Variants in VWCE observed in about 807,000 individuals in gnomAD.
The protein encoded by VWCE is von Willebrand factor C and EGF domains, also known as von Willebrand factor C and EGF domain-containing protein.
In VWCE, 68 loss-of-function variants were observed where a neutral mutation model predicts 102.9. The observed-to-expected ratio is 0.66, with a 90% CI of 0.54 to 0.81. The LOEUF (loss-of-function observed/expected upper bound fraction) is 0.81, where lower values mean the gene tolerates loss of function less well. Among genes scored for constraint, VWCE ranks in the 30% least tolerant of loss-of-function variants. VWCE has a pLI of 0.00. For synonymous variants in VWCE, 497 were observed against 515.4 expected, an observed-to-expected ratio of 0.96 and a Z score of 0.48; for missense variants, 1,137 against 1,263.6, an observed-to-expected ratio of 0.90 and a Z score of 1.52.
At chr11:61,276,756 T>C in intron 10 of VWCE, 76 bp from the exon 11 acceptor site, 1 of 1,219,122 alleles carries the variant, frequency 8.2e-7, no homozygotes, top group Non-Finnish European at 1.1e-6. Context: ...CAGCAGGCCC[T>C]TCGAACAGGA....
At chr11:61,261,219 C>CAA (rs550476012) in intron 19 of VWCE, among the ~76,000 whole-genome samples, 2 of 121,880 alleles carry the variant, frequency 1.6e-5, no homozygotes, top group African/African-American at 2.9e-5. Flanking sequence ...GACTCCATCT[C>CAA]AAAAAAAAAA....
At position 61,295,259 on chromosome 11, in the gene VWCE, C is replaced by T; in HGVS notation, c.-222G>A. Reference sequence around the variant, plus strand: ...ATTGTGGGGAGGGTCTCTGGCACCTCGAAGCGAAACACACAAAGGCAACGC... The same window carrying T: ...ATTGTGGGGAGGGTCTCTGGCACCTTGAAGCGAAACACACAAAGGCAACGC... On this transcript the variant is annotated 5_prime_UTR_variant, in exon 1 of 20. Coordinates refer to ENST00000335613, the MANE Select transcript of VWCE (RefSeq NM_152718.2). The surrounding 1 kb of genome is among the most constrained non-coding windows in gnomAD (Gnocchi z 4.6). 2.7e-6 allele frequency: 1 copy of T among 370,932 alleles called. No individual in the cohort carries two copies. The highest frequency in any genetic ancestry group is 3.9e-5 in the East Asian group (1 of 25,718). 23.0% of individuals were successfully genotyped at this position (370,932 alleles called of 1,614,324 possible). A position where few individuals can be genotyped will look rare whatever the true frequency, so the allele number is the denominator to read the frequency against.
chr11:61,270,338 G>C (rs1225751861), intron 14 of VWCE, among the ~76,000 whole-genome samples: 1 of 152,228 alleles, frequency 6.6e-6, no homozygotes, highest in Non-Finnish European at 1.5e-5. Flanking sequence ...GCAGAGGTGT[G>C]GGCAGGGCCT....
chr11:61,284,323 C>T (rs1855241796), intron 5 of VWCE, among the ~76,000 whole-genome samples: 1 of 152,198 alleles, frequency 6.6e-6, no homozygotes, highest in Admixed American at 6.5e-5. Flanking sequence ...ATACCAACTT[C>T]ACTGGGTAAT....
At position 61,278,214 on chromosome 11, in the gene VWCE, C is replaced by T. The variant is rs532631681; in HGVS notation, c.1407+180G>A. Among the ~76,000 whole-genome samples the T allele has an allele frequency of 3.9e-5, 6 of 152,310 alleles. No individual in the cohort carries two copies. In the South Asian group the frequency reaches 1.0e-3, roughly 26 times the overall value. ...AAGCCTCCCTTACTCCACCAACCTTCGTGTTTTACACTTCCCTCCCCCTTT... is the reference window on the plus strand; with the variant it reads ...AAGCCTCCCTTACTCCACCAACCTTTGTGTTTTACACTTCCCTCCCCCTTT... On this transcript the variant is annotated intron_variant, in intron 10 of 19. Coordinates refer to ENST00000335613, the MANE Select transcript of VWCE (RefSeq NM_152718.2).
Position 61,291,541 on chromosome 11 carries a change from A to G in VWCE, c.146T>C (p.Phe49Ser). 6.7e-7 allele frequency: 1 copy of G among 1,481,510 alleles called. No homozygotes were observed. The highest frequency in any genetic ancestry group is 1.4e-5 in the South Asian group (1 of 73,064). 91.8% of individuals were successfully genotyped at this position (1,481,510 alleles called of 1,614,324 possible). A position where few individuals can be genotyped will look rare whatever the true frequency, so the allele number is the denominator to read the frequency against. ...RLGPHVCLSG[F>S]GSGCCPGWAP... The stretch of plus-strand genomic sequence containing the variant: ...CCAGCCAGGGCAGCAGCCACTCCCA[A>G]ACCCAGAGAGGCAGACGTGGGGGCC... Residue 49 changes from phenylalanine to serine, a missense_variant, in exon 2 of 20, where the codon TTT (phenylalanine) becomes TCT (serine). By Grantham distance (155) the Phe-to-Ser change is radical. Transcript: ENST00000335613.
rs776756550 is a variant in VWCE at position 61,258,696 on chromosome 11, C to A, written c.2847G>T (p.Arg949=). 2.9e-6 allele frequency: 4 copies of A among 1,395,032 alleles called. No homozygotes were observed. The highest frequency in any genetic ancestry group is 3.7e-6 in the Non-Finnish European group (4 of 1,071,512). 86.4% of individuals were successfully genotyped at this position (1,395,032 alleles called of 1,614,324 possible). A position where few individuals can be genotyped will look rare whatever the true frequency, so the allele number is the denominator to read the frequency against. ...CTCCTTACATGGTGGACTCTTCCCCCCGAGAAGCCCCCACTGGGGGCTGCT... is the reference window on the plus strand; with the variant it reads ...CTCCTTACATGGTGGACTCTTCCCCACGAGAAGCCCCCACTGGGGGCTGCT... ...GPQQPPVGAS[R]GEESTM The change falls in exon 20 of 20, where the codon CGG becomes CGT. Residue 949 remains arginine (R), a synonymous_variant. Transcript: ENST00000335613.
chr11:61,284,200 CA>C (rs373129585), intron 5 of VWCE, among the ~76,000 whole-genome samples: 15 of 141,314 alleles, frequency 1.1e-4, no homozygotes, highest in African/African-American at 2.1e-4. Context: ...CTCATCTCTA[CA>C]AAAAAAAAAC....
chr11:61,273,585 C>A (rs1854806871), intron 12 of VWCE: 1 of 474,750 alleles, frequency 2.1e-6, no homozygotes, highest in South Asian at 3.1e-5. Flanking sequence ...CTCTCACCCT[C>A]CCGCTTCCAT....
intron 7 of VWCE, 37 bp from the exon 8 acceptor site, chr11:61,281,272 G>C (rs1180891257): frequency 6.2e-7 from 1 of 1,609,252 alleles, no homozygotes; most frequent in Admixed American, 1.7e-5. Flanking sequence ...GGGGTGGACA[G>C]CAGAGACAGG....
Position 61,290,810 on chromosome 11 carries a change from A to G in VWCE, c.413T>C (p.Ile138Thr). The G allele has an allele frequency of 6.2e-7, 1 of 1,610,036 alleles. No individual in the cohort carries two copies. Among genetic ancestry groups the G allele is most frequent in the Non-Finnish European group, 8.5e-7 (1 of 1,178,816 alleles). Residue 138 changes from isoleucine (I) to threonine (T), a missense_variant, in exon 4 of 20, where the codon ATC (isoleucine) becomes ACC (threonine). This residue lies in a region of VWCE where 575 missense variants were observed against 625.9 expected (regional missense o/e 0.92). Transcript: ENST00000335613. Reference sequence around the variant, plus strand: ...CCCAGGCGTCTCACCTGTACACCTGATGCCAACAGCTGTCTCCGTCATCGA... The same window carrying G: ...CCCAGGCGTCTCACCTGTACACCTGGTGCCAACAGCTGTCTCCGTCATCGA... ...GFSMTETAVGIRCTDIDECVT... is the reference protein window; with the variant it reads ...GFSMTETAVGTRCTDIDECVT...
At chr11:61,277,421 C>T (rs1019789042) in intron 10 of VWCE, among the ~76,000 whole-genome samples, 3 of 131,884 alleles carry the variant, frequency 2.3e-5, no homozygotes, top group Non-Finnish European at 1.6e-5. Context: ...CCAGCCTGGC[C>T]AACACAGCGA....
Position 61,271,760 on chromosome 11 carries a change from C to T in VWCE, c.1700G>A (p.Gly567Asp), listed in dbSNP as rs1336975943. The T allele has an allele frequency of 1.2e-6, 2 of 1,612,884 alleles. No homozygotes were observed. Among genetic ancestry groups the T allele is most frequent in the Non-Finnish European group, 1.7e-6 (2 of 1,179,510 alleles). The change falls in exon 14 of 20, where the codon GGC becomes GAC. Residue 567 changes from glycine (G) to aspartate (D), a missense_variant and splice_region_variant. Transcript: ENST00000335613. ...AACCCCGTTGTCGTCAAGAGAGCAG[C>T]CTGGATGAGGACAATGGCAGAGAAA... is the stretch of plus-strand genomic sequence containing the variant. The part of the protein sequence containing the change: ...FTCQEPTPST[G>D]CSLDDNGVEF...
chr11:61,261,883 C>T (rs1447085993), intron 19 of VWCE, among the ~76,000 whole-genome samples: 1 of 151,950 alleles, frequency 6.6e-6, no homozygotes, highest in African/African-American at 2.4e-5. Context: ...AAAGGGAGCT[C>T]TTGTTAATAA....
At chr11:61,263,105 G>A (rs532846313) in intron 19 of VWCE, among the ~76,000 whole-genome samples, 5 of 152,290 alleles carry the variant, frequency 3.3e-5, no homozygotes, top group African/African-American at 7.2e-5. Context: ...TCAGAAGTTC[G>A]AGAACAGCCT....
intron 19 of VWCE, among the ~76,000 whole-genome samples, chr11:61,263,573 T>C (rs1222317624): frequency 6.6e-6 from 1 of 152,114 alleles, no homozygotes; most frequent in African/African-American, 2.4e-5. Flanking sequence ...GTGTTTTGTG[T>C]TGTTTAGAGA....
chr11:61,259,868 G>A (rs1437230263), intron 19 of VWCE, among the ~76,000 whole-genome samples: 2 of 152,176 alleles, frequency 1.3e-5, no homozygotes, highest in Non-Finnish European at 2.9e-5. Context: ...CCTAGGGCCT[G>A]GCATATCATA....
intron 1 of VWCE, among the ~76,000 whole-genome samples, chr11:61,292,337 G>T (rs1323141276): frequency 6.6e-6 from 1 of 151,922 alleles, no homozygotes; most frequent in Non-Finnish European, 1.5e-5. Context: ...GGCCTTCCTT[G>T]TCCACCCTTA....
intron 5 of VWCE, 25 bp from the exon 6 acceptor site, chr11:61,282,930 G>A (rs756229603): frequency 3.8e-6 from 6 of 1,587,400 alleles, no homozygotes; most frequent in Admixed American, 1.7e-5. Flanking sequence ...GACAAGACTG[G>A]GGTTCATTTC....
Sources: allele counts gnomAD v4.1 joint callset (sites outside exome capture counted in the v4.1 genomes callset), GRCh38; gene constraint gnomAD v4.1.1; regional missense constraint gnomAD v4.1.1; non-coding constraint Gnocchi (gnomAD v3.1); transcripts MANE v1.5; gene names NCBI Gene and HGNC (gene_info 2026-07-23, HGNC 2026-07-21).